Variants in SAMD11 observed in about 807,000 individuals in gnomAD.
The protein encoded by SAMD11 is sterile alpha motif domain-containing protein 11.
Under a neutral mutation model 64.4 loss-of-function variants are expected in SAMD11, and 77 were observed. The observed-to-expected ratio is 1.20, with a 90% CI of 0.99 to 1.44. The LOEUF is 1.44. Ranked by LOEUF, SAMD11 falls within the 40% of genes most tolerant of loss-of-function variation. The probability of loss-of-function intolerance (pLI) is 0.00; values close to 1 mark genes in which losing one functional copy is unlikely to be tolerated. For missense variants in SAMD11, 1,402 were observed against 943.3 expected (o/e 1.49, Z -6.37); for synonymous variants, 658 against 421.9 (o/e 1.56, Z -6.86).
At chr1:936,417 G>A (rs1470658972) in intron 5 of SAMD11, among the ~76,000 whole-genome samples, 1 of 146,300 alleles carries the variant, frequency 6.8e-6, no homozygotes, top group South Asian at 2.1e-4. Flanking sequence ...GCTCCTGGAC[G>A]GAGGGGGTCC....
chr1:941,800 C>A (rs1641784450), intron 8 of SAMD11, among the ~76,000 whole-genome samples: 1 of 152,136 alleles, frequency 6.6e-6, no homozygotes, highest in Non-Finnish European at 1.5e-5. Flanking sequence ...CCGGCGTCTG[C>A]AGCTGCCTCC....
chr1:926,406 G>A (rs1640893963), intron 2 of SAMD11, among the ~76,000 whole-genome samples: 1 of 152,232 alleles, frequency 6.6e-6, no homozygotes. Flanking sequence ...CAGCTGGTGA[G>A]GTGTGATTCT....
At chr1:936,293 C>T (rs1050398402) in intron 5 of SAMD11, among the ~76,000 whole-genome samples, 2 of 138,694 alleles carry the variant, frequency 1.4e-5, no homozygotes, top group Non-Finnish European at 1.6e-5. Flanking sequence ...TCCTAGGGCT[C>T]CTGGACGGAG....
rs756994354 is a variant in SAMD11 at position 943,965 on chromosome 1, C to T, written c.2347C>T (p.Leu783=). Residue 783 remains leucine, a synonymous_variant, in exon 14 of 14, where the codon CTG becomes TTG. Coordinates refer to ENST00000616016, the MANE Select transcript of SAMD11 (RefSeq NM_001385641.1). Reference sequence around the variant, plus strand: ...GGCCAGCTTCCCCGTGGCTCTGCCACTGCAGCCACCAACCCTGCGGGCCCC... The same window carrying T: ...GGCCAGCTTCCCCGTGGCTCTGCCATTGCAGCCACCAACCCTGCGGGCCCC... The part of the protein sequence containing the change: ...YVASFPVALP[L]QPPTLRAPER... 4 of 1,612,704 alleles carry T rather than the reference C, an allele frequency of 2.5e-6. No homozygotes were observed. Among genetic ancestry groups the T allele is most frequent in the East Asian group, 2.2e-5 (1 of 44,888 alleles).
intron 2 of SAMD11, among the ~76,000 whole-genome samples, chr1:928,212 T>TG (rs1279790498): frequency 3.4e-5 from 5 of 148,108 alleles, no homozygotes; most frequent in Admixed American, 6.7e-5. Flanking sequence ...ACTAACACGG[T>TG]GAAACCCGTC....
At chr1:932,407 C>T (rs541669051) in intron 4 of SAMD11, among the ~76,000 whole-genome samples, 19 of 152,294 alleles carry the variant, frequency 1.2e-4, no homozygotes, top group African/African-American at 3.6e-4. Context: ...CCATCCTGCA[C>T]GGGCCCTAGA....
intron 2 of SAMD11, among the ~76,000 whole-genome samples, chr1:926,795 G>A (rs987260390): frequency 6.6e-6 from 1 of 152,174 alleles, no homozygotes; most frequent in Non-Finnish European, 1.5e-5. Flanking sequence ...GGAAGGACTA[G>A]TTTGGAGCCA....
intron 5 of SAMD11, among the ~76,000 whole-genome samples, chr1:936,794 C>T (rs1048071853): frequency 4.6e-5 from 7 of 152,154 alleles, no homozygotes; most frequent in Non-Finnish European, 1.0e-4. Context: ...CTTCTGATGC[C>T]GCGTTGGAGA....
intron 4 of SAMD11, among the ~76,000 whole-genome samples, chr1:932,460 C>T (rs1374955892): frequency 6.6e-6 from 1 of 152,208 alleles, no homozygotes; most frequent in African/African-American, 2.4e-5. Context: ...GGCGAGATTT[C>T]GGTCAGAGGG....
intron 4 of SAMD11, 46 bp downstream of exon 4, chr1:931,135 T>TTGCCCCC: frequency 6.9e-7 from 1 of 1,445,474 alleles, no homozygotes; most frequent in East Asian, 2.5e-5. Flanking sequence ...GTGACTCCCC[T>TTGCCCCC]CCCTCCCTCC....
chr1:940,151 A>T (rs1351236570), intron 7 of SAMD11, among the ~76,000 whole-genome samples: 2 of 152,162 alleles, frequency 1.3e-5, no homozygotes, highest in Admixed American at 1.3e-4. Context: ...AGGCACCAAG[A>T]GCCTGAATAA....
At chr1:936,506 C>T (rs1462736305) in intron 5 of SAMD11, among the ~76,000 whole-genome samples, 1 of 152,258 alleles carries the variant, frequency 6.6e-6, no homozygotes, top group South Asian at 2.1e-4. Flanking sequence ...GAGGGAGGTG[C>T]TGCTGCCTGG....
chr1:942,176 G>A lies in SAMD11; in HGVS notation c.1399G>A (p.Ala467Thr), dbSNP rs201313326. 6.2e-5 allele frequency: 89 copies of A among 1,433,052 alleles called. No individual in the cohort carries two copies. The highest frequency in any genetic ancestry group is 6.2e-5 in the Non-Finnish European group (67 of 1,088,820). The allele number at this position is 1,433,052 out of a possible 1,614,324, so 88.8% of individuals were successfully genotyped here. ...GCCCCCCTTGCTGTCGCCGCAGAAT[G>A]CCCCTCACGTCGCCCTGGGCCCCCA... is the stretch of plus-strand genomic sequence containing the variant. ...QPPPLLSPQN[A>T]PHVALGPHLR... is the part of the protein sequence containing the mutation. Residue 467 changes from alanine (A) to threonine (T), a missense_variant, in exon 9 of 14, where the codon GCC (alanine) becomes ACC (threonine). Transcript: ENST00000616016.
Position 944,380 on chromosome 1 carries a change from G to A in SAMD11, c.*227G>A, listed in dbSNP as rs1215244536. ...TCTGCAGACGGAGGGCAGAGGTGGT[G>A]GAAGGGGCCAGGGGCCTGCAGGCCT... On this transcript the variant is annotated 3_prime_UTR_variant, in exon 14 of 14. Transcript: ENST00000616016. 6.7e-6 allele frequency: 9 copies of A among 1,339,554 alleles called. No individual in the cohort carries two copies. The highest frequency in any genetic ancestry group is 2.7e-4 in the Middle Eastern group (1 of 3,686). The allele number at this position is 1,339,554 out of a possible 1,614,324, so 83.0% of individuals were successfully genotyped here.
chr1:943,403 G>A (rs758925774), intron 12 of SAMD11, 26 bp downstream of exon 12: 19 of 1,508,000 alleles, frequency 1.3e-5, no homozygotes, highest in Admixed American at 2.1e-5. Flanking sequence ...AGTTCCTGGG[G>A]CGGGGCTGGA....
intron 2 of SAMD11, 46 bp downstream of exon 2, chr1:926,059 G>A (rs1451002001): frequency 2.6e-6 from 4 of 1,567,324 alleles, no homozygotes; most frequent in East Asian, 4.5e-5. Flanking sequence ...TCTCCCCTGC[G>A]GAGCTTGTCC....
chr1:939,373 G>A lies in SAMD11; in HGVS notation c.1156G>A (p.Asp386Asn), dbSNP rs1475079114. 3 of 1,603,532 alleles carry A rather than the reference G, an allele frequency of 1.9e-6. No individual in the cohort carries two copies. The highest frequency in any genetic ancestry group is 8.5e-7 in the Non-Finnish European group (1 of 1,179,138). ...SALSEASTFE[D>N]PQRLYHLGLP... ...ACTGAGCGAGGCCAGCACCTTTGAG[G>A]ACCCTCAGCGCCTCTACCACCTGGG... The change falls in exon 7 of 14, where the codon GAC becomes AAC. Residue 386 changes from aspartate to asparagine, a missense_variant. Physicochemically the swap from Asp to Asn is conservative, Grantham distance 23. Coordinates refer to ENST00000616016, the MANE Select transcript of SAMD11 (RefSeq NM_001385641.1).
intron 4 of SAMD11, among the ~76,000 whole-genome samples, chr1:933,022 C>T (rs1334555876): frequency 2.0e-5 from 3 of 152,180 alleles, no homozygotes; most frequent in African/African-American, 7.2e-5. Flanking sequence ...CTCCCCCTCC[C>T]CCTCTCCTTC....
At position 942,849 on chromosome 1, in the gene SAMD11, G is replaced by C; in HGVS notation, c.1844G>C (p.Gly615Ala). The C allele has an allele frequency of 6.4e-7, 1 of 1,552,222 alleles. No homozygotes were observed. Among genetic ancestry groups the C allele is most frequent in the Non-Finnish European group, 8.7e-7 (1 of 1,147,976 alleles). ...CCCAGCGAGTCCAAGGAGATGACGG[G>C]GGCTAGGCTCTGGGCACAAGATGGC... Reference protein sequence around the residue: ...ARPSESKEMTGARLWAQDGSE... With the variant: ...ARPSESKEMTAARLWAQDGSE... Residue 615 changes from glycine (G) to alanine (A), a missense_variant, in exon 11 of 14, where the codon GGG (glycine) becomes GCG (alanine). Coordinates refer to ENST00000616016, the MANE Select transcript of SAMD11 (RefSeq NM_001385641.1).
Sources: gnomAD v4.1 joint callset for allele counts (sites outside exome capture counted in the v4.1 genomes callset) on GRCh38, gnomAD v4.1.1 for gene constraint, MANE v1.5 for transcripts, NCBI Gene and HGNC (gene_info 2026-07-23, HGNC 2026-07-21) for gene names.